The following MTA3 variants were observed in gnomAD, a reference collection of about 807,000 sequenced individuals.
The protein encoded by MTA3 is metastasis associated 1 family member 3.
A neutral mutation model predicts 83.5 loss-of-function variants in MTA3; 34 were observed. That is an observed-to-expected ratio of 0.41 (90% CI 0.31 to 0.54). MTA3 has a LOEUF of 0.54. MTA3 is among the 20% of genes least tolerant of loss of function. The probability of loss-of-function intolerance (pLI) is 0.33; values close to 1 mark genes in which losing one functional copy is unlikely to be tolerated. For missense variants in MTA3, 761 were observed against 726.4 expected, an observed-to-expected ratio of 1.05 and a Z score of -0.55; for synonymous variants, 303 against 252.7, an observed-to-expected ratio of 1.20 and a Z score of -1.89.
intron 8 of MTA3, among the ~76,000 whole-genome samples, chr2:42,666,097 G>A (rs1690207349): frequency 6.6e-6 from 1 of 152,152 alleles, no homozygotes; most frequent in Non-Finnish European, 1.5e-5. Context: ...CTAACACGGT[G>A]AAACCCCGTC....
chr2:42,619,602 A>G (rs762657842), intron 4 of MTA3, among the ~76,000 whole-genome samples: 59 of 152,220 alleles, frequency 3.9e-4, no homozygotes, highest in Non-Finnish European at 7.3e-4. Context: ...TGACCCAGTG[A>G]TTCAATGTAG....
At chr2:42,558,494 C>T (rs554392597) in intron 2 of MTA3, among the ~76,000 whole-genome samples, 2 of 152,058 alleles carry the variant, frequency 1.3e-5, no homozygotes, top group East Asian at 3.9e-4. Context: ...AGGCCATCTG[C>T]CCACCTCGGC....
At chr2:42,566,939 C>T (rs997768992), upstream of MTA3, among the ~76,000 whole-genome samples, 2 of 151,984 alleles carry the variant, frequency 1.3e-5, no homozygotes, top group Admixed American at 6.6e-5. Context: ...ATTATTCAAC[C>T]CTATTTATGT....
chr2:42,584,935 A>ATT (rs879751312), intron 3 of MTA3, among the ~76,000 whole-genome samples: 1 of 142,458 alleles, frequency 7.0e-6, no homozygotes, highest in Non-Finnish European at 1.5e-5. Flanking sequence ...AAGCCATAAG[A>ATT]TTTTTTTTTT....
intron 2 of MTA3, among the ~76,000 whole-genome samples, chr2:42,543,240 C>T (rs1313944034): frequency 6.7e-6 from 1 of 148,520 alleles, no homozygotes; most frequent in Non-Finnish European, 1.5e-5. Flanking sequence ...AGCAGTGGCG[C>T]AATCTCAGCT....
intron 4 of MTA3, among the ~76,000 whole-genome samples, chr2:42,631,149 G>T (rs1395535098): frequency 6.6e-6 from 1 of 152,080 alleles, no homozygotes; most frequent in Non-Finnish European, 1.5e-5. Context: ...ATTTGAATTA[G>T]CCAAAAGGGT....
intron 4 of MTA3, among the ~76,000 whole-genome samples, chr2:42,632,838 G>A (rs1388085741): frequency 6.6e-6 from 1 of 151,858 alleles, no homozygotes; most frequent in African/African-American, 2.4e-5. Context: ...TGTGTGTGTG[G>A]CTTCTTTTAA....
chr2:42,652,266 C>T (rs1257546896), intron 6 of MTA3, among the ~76,000 whole-genome samples: 1 of 152,064 alleles, frequency 6.6e-6, no homozygotes, highest in African/African-American at 2.4e-5. Flanking sequence ...TCTCTTTTTC[C>T]TGTAAGTTAG....
At chr2:42,511,335 C>A (rs1416901316) in intron 2 of MTA3, among the ~76,000 whole-genome samples, 1 of 149,770 alleles carries the variant, frequency 6.7e-6, no homozygotes, top group Non-Finnish European at 1.5e-5. Flanking sequence ...TGTGTGTGAT[C>A]TCATTACCTT....
intron 4 of MTA3, among the ~76,000 whole-genome samples, chr2:42,623,766 C>G (rs919048827): frequency 6.7e-6 from 1 of 150,140 alleles, no homozygotes; most frequent in Non-Finnish European, 1.5e-5. Context: ...TCTCTGCTCA[C>G]GGCAAACTCC....
intron 14 of MTA3, among the ~76,000 whole-genome samples, chr2:42,717,754 C>G (rs1037347314): frequency 2.6e-5 from 4 of 152,178 alleles, no homozygotes; most frequent in African/African-American, 7.2e-5. Flanking sequence ...ATTACTCTTG[C>G]AAATCCCTAG....
intron 14 of MTA3, among the ~76,000 whole-genome samples, chr2:42,717,391 G>C (rs1386081065): frequency 1.3e-5 from 2 of 152,038 alleles, no homozygotes; most frequent in East Asian, 3.9e-4. Context: ...AAACATAGTA[G>C]AATCATACAG....
intron 2 of MTA3, among the ~76,000 whole-genome samples, chr2:42,528,115 CAG>C (rs1343026489): frequency 6.6e-6 from 1 of 151,298 alleles, no homozygotes; most frequent in Admixed American, 6.6e-5. Context: ...TTAGTAGAGA[CAG>C]GGTTTCACCG....
intron 16 of MTA3, among the ~76,000 whole-genome samples, chr2:42,733,281 G>A (rs1007023396): frequency 6.6e-6 from 1 of 152,202 alleles, no homozygotes; most frequent in African/African-American, 2.4e-5. Flanking sequence ...CATGGTGACA[G>A]CAAGAGAAAA....
Position 42,747,554 on chromosome 2 carries a change from G to C in MTA3, c.1760-5820G>C, listed in dbSNP as rs1347976018. Among the ~76,000 whole-genome samples the C allele has an allele frequency of 2.0e-5, 3 of 151,822 alleles. No individual in the cohort carries two copies. In the South Asian group the frequency reaches 6.3e-4, roughly 32 times the overall value. On this transcript the variant is annotated intron_variant, in intron 16 of 16. Transcript: ENST00000405094. ...AGAGAGACTCTGTTTTCTGAGGCCTGCTCTTGAAGCTTTAAGGTGCCCCAA... is the reference window on the plus strand; with the variant it reads ...AGAGAGACTCTGTTTTCTGAGGCCTCCTCTTGAAGCTTTAAGGTGCCCCAA...
At chr2:42,501,047 T>C (rs1436943845) in intron 2 of MTA3, among the ~76,000 whole-genome samples, 1 of 152,082 alleles carries the variant, frequency 6.6e-6, no homozygotes, top group Non-Finnish European at 1.5e-5. Flanking sequence ...CCTGACCTCA[T>C]GACCTGCCCA....
chr2:42,650,458 G>T (rs1023822703), intron 6 of MTA3, among the ~76,000 whole-genome samples: 21 of 150,860 alleles, frequency 1.4e-4, no homozygotes, highest in Non-Finnish European at 2.5e-4. Context: ...GGTTTTTTTT[G>T]AGACGGAGTC....
chr2:42,582,097 G>A (rs988586306), intron 3 of MTA3, among the ~76,000 whole-genome samples: 6 of 151,510 alleles, frequency 4.0e-5, no homozygotes, highest in Non-Finnish European at 7.4e-5. Context: ...TTGCTGTGTC[G>A]CCCAGGCTGG....
Position 42,659,966 on chromosome 2 carries a change from G to A in MTA3, c.702+104G>A, listed in dbSNP as rs139330373. The A allele has an allele frequency of 3.7e-4, 269 of 724,442 alleles. 4 individuals carry two copies. In the East Asian group the frequency reaches 9.3e-3, roughly 25 times the overall value. 44.9% of individuals were successfully genotyped at this position (724,442 alleles called of 1,614,324 possible). A position where few individuals can be genotyped will look rare whatever the true frequency, so the allele number is the denominator to read the frequency against. ...TAGACCGGGAGCTTTTGGGCTCTTA[G>A]CCTTCCTGACTGCTAGGTTGATTTG... is the stretch of plus-strand genomic sequence containing the variant. On this transcript the variant is annotated intron_variant, in intron 8 of 16. Coordinates refer to ENST00000405094, the MANE Select transcript of MTA3 (RefSeq NM_001330442.2).
Sources: gnomAD v4.1 joint callset for allele counts (sites outside exome capture counted in the v4.1 genomes callset) on GRCh38, gnomAD v4.1.1 for gene constraint, MANE v1.5 for transcripts, NCBI Gene and HGNC (gene_info 2026-07-23, HGNC 2026-07-21) for gene names.